The following KANSL1 variants were observed in gnomAD, a reference collection of about 807,000 sequenced individuals.
The protein encoded by KANSL1 is MLL1/MLL complex subunit KANSL1.
In KANSL1, 22 loss-of-function variants were observed where a neutral mutation model predicts 103.6. The ratio of observed to expected loss-of-function variants is 0.21; its 90% confidence interval spans 0.15 to 0.30. The LOEUF is 0.30. KANSL1 is among the 10% of genes least tolerant of loss of function. The pLI is 1.00. For synonymous variants in KANSL1, 600 were observed against 527.6 expected (o/e 1.14, Z -1.88); for missense variants, 1,337 against 1,399.8 (o/e 0.96, Z 0.72).
chr17:46,130,775 T>C (rs1304161982), intron 2 of KANSL1, among the ~76,000 whole-genome samples: 4 of 152,080 alleles, frequency 2.6e-5, no homozygotes, highest in Non-Finnish European at 5.9e-5. Flanking sequence ...AGATAGAAAA[T>C]AACATCCCAG....
intron 2 of KANSL1, among the ~76,000 whole-genome samples, chr17:46,133,658 G>GT (rs1266428881): frequency 3.9e-5 from 6 of 152,110 alleles, no homozygotes; most frequent in Admixed American, 3.9e-4. Flanking sequence ...CAATAACAAG[G>GT]TATCTTTATT....
chr17:46,209,387 CA>C (rs1180842458), intron 1 of KANSL1, among the ~76,000 whole-genome samples: 3 of 152,162 alleles, frequency 2.0e-5, no homozygotes, highest in Non-Finnish European at 2.9e-5. Flanking sequence ...AATAAGCATA[CA>C]AATCTCTAAT....
intron 7 of KANSL1, among the ~76,000 whole-genome samples, chr17:46,047,540 A>T (rs956337254): frequency 1.1e-4 from 16 of 152,166 alleles, no homozygotes; most frequent in Non-Finnish European, 2.9e-5. Context: ...TAATCCCAGC[A>T]CTTTGAGAGG....
At chr17:46,095,340 C>T (rs577564602) in intron 2 of KANSL1, among the ~76,000 whole-genome samples, 48 of 152,216 alleles carry the variant, frequency 3.2e-4, no homozygotes, top group South Asian at 6.2e-4. Context: ...TCTAAAAGTT[C>T]ACATGGAATA....
intron 1 of KANSL1, among the ~76,000 whole-genome samples, chr17:46,179,604 A>T (rs1019312595): frequency 2.0e-4 from 31 of 152,234 alleles, no homozygotes; most frequent in African/African-American, 5.8e-4. Flanking sequence ...ATGATTAGGG[A>T]AGTGTCCATG....
intron 2 of KANSL1, among the ~76,000 whole-genome samples, chr17:46,122,216 C>G (rs73984693): frequency 6.6e-6 from 1 of 152,206 alleles, no homozygotes; most frequent in Admixed American, 6.5e-5. Context: ...GTTCCTTTGA[C>G]TCTCTTAAAG....
intron 6 of KANSL1, among the ~76,000 whole-genome samples, chr17:46,055,306 A>G (rs1018115555): frequency 2.0e-5 from 3 of 151,926 alleles, no homozygotes; most frequent in East Asian, 2.0e-4. Flanking sequence ...TCTACTAAAA[A>G]TACAAAAAAT....
chr17:46,084,476 G>A (rs1222646145), intron 3 of KANSL1, among the ~76,000 whole-genome samples: 1 of 151,890 alleles, frequency 6.6e-6, no homozygotes. Context: ...GAGGTTAGGA[G>A]TGCGAGACCA....
At chr17:46,093,623 T>C (rs899454286) in intron 3 of KANSL1, 5 of 152,662 alleles carry the variant, frequency 3.3e-5, no homozygotes, top group Non-Finnish European at 7.3e-5. Flanking sequence ...ATTTTATCAG[T>C]TGATCAACCT....
intron 1 of KANSL1, among the ~76,000 whole-genome samples, chr17:46,174,605 C>T (rs1427956523): frequency 6.6e-6 from 1 of 152,308 alleles, no homozygotes; most frequent in African/African-American, 2.4e-5. Context: ...ACCCAGTGAA[C>T]GATAAAATGT....
chr17:46,090,873 G>A (rs1181322080), intron 3 of KANSL1, among the ~76,000 whole-genome samples: 2 of 152,182 alleles, frequency 1.3e-5, no homozygotes, highest in African/African-American at 4.8e-5. Context: ...ATACAATTAT[G>A]TACACTAAGA....
At chr17:46,187,444 C>A (rs1423873415) in intron 1 of KANSL1, among the ~76,000 whole-genome samples, 2 of 152,162 alleles carry the variant, frequency 1.3e-5, no homozygotes, top group Non-Finnish European at 1.5e-5. Flanking sequence ...GTTCAGGTTA[C>A]AAGAACCAGA....
chr17:46,171,833 T>G lies in KANSL1; in HGVS notation c.311A>C (p.Lys104Thr), dbSNP rs17585974. 0.15 allele frequency: 238,783 copies of G among 1,581,184 alleles called. No homozygotes were observed. Among genetic ancestry groups the G allele is most frequent in the Non-Finnish European group, 0.18 (204,337 of 1,149,984 alleles). ...AGGATGAGATTTAAGGACTGTCTGC[T>G]TGCTGAAGACCCCTTGCAACTTCAA... ...ESLKLQGVFSKQTVLKSHPLL... is the reference protein window; with the variant it reads ...ESLKLQGVFSTQTVLKSHPLL... Residue 104 changes from lysine (K) to threonine (T), a missense_variant, in exon 2 of 15, where the codon AAG (lysine) becomes ACG (threonine). Lys to Thr is a moderately conservative substitution (Grantham distance 78). This residue lies in a region of KANSL1 where 557 missense variants were observed against 476.4 expected (regional missense o/e 1.17). Transcript: ENST00000432791.
At chr17:46,087,593 A>G (rs770124602) in intron 3 of KANSL1, among the ~76,000 whole-genome samples, 1 of 152,240 alleles carries the variant, frequency 6.6e-6, no homozygotes, top group African/African-American at 2.4e-5. Context: ...TGACAGTACT[A>G]TAACAGAAGT....
chr17:46,081,457 C>G (rs1347057094), intron 4 of KANSL1, among the ~76,000 whole-genome samples: 4 of 152,214 alleles, frequency 2.6e-5, no homozygotes, highest in Admixed American at 2.6e-4. Context: ...TGGCATTCTG[C>G]TCTTTAATTT....
At chr17:46,193,619 G>A (rs75449579), upstream of KANSL1, 31,355 of 278,706 alleles carry the variant, frequency 0.11, 3 homozygotes, top group Middle Eastern at 0.17. Context: ...TCCTCGCCGT[G>A]GCCGATGTTT....
chr17:46,139,995 C>T (rs372612196), intron 2 of KANSL1, among the ~76,000 whole-genome samples: 2 of 152,170 alleles, frequency 1.3e-5, no homozygotes, highest in African/African-American at 4.8e-5. Flanking sequence ...TTTTTTACTA[C>T]ACCAAAAAAG....
intron 1 of KANSL1, among the ~76,000 whole-genome samples, chr17:46,210,536 G>A (rs1281979943): frequency 7.4e-6 from 1 of 134,808 alleles, no homozygotes; most frequent in African/African-American, 2.8e-5. Context: ...AACATTTACT[G>A]TAGACTGGAC....
chr17:46,216,772 C>T (rs2048352852), intron 1 of KANSL1, among the ~76,000 whole-genome samples: 1 of 152,032 alleles, frequency 6.6e-6, no homozygotes, highest in South Asian at 2.1e-4. Context: ...ATGATATACA[C>T]CTGTTCTGGG....
Sources: allele counts gnomAD v4.1 joint callset (sites outside exome capture counted in the v4.1 genomes callset), GRCh38; gene constraint gnomAD v4.1.1; regional missense constraint gnomAD v4.1.1; transcripts MANE v1.5; gene names NCBI Gene and HGNC (gene_info 2026-07-23, HGNC 2026-07-21).